The following MEIS2 variants were observed in gnomAD, a reference collection of about 807,000 sequenced individuals.
MEIS2 encodes homeobox protein Meis2.
MEIS2 carries 9 observed loss-of-function variants against 58.6 expected under a neutral mutation model. The ratio of observed to expected loss-of-function variants is 0.15; its 90% confidence interval spans 0.09 to 0.27. MEIS2 has a LOEUF of 0.27. Among genes scored for constraint, MEIS2 ranks in the 10% least tolerant of loss-of-function variants. The pLI, the probability that MEIS2 is intolerant of heterozygous loss-of-function variation, is 1.00. For synonymous variants in MEIS2, 221 were observed against 228.4 expected (o/e 0.97, Z 0.29); for missense variants, 427 against 635.0 (o/e 0.67, Z 3.52).
intron 9 of MEIS2, among the ~76,000 whole-genome samples, chr15:36,942,833 C>A (rs2058422861): frequency 6.6e-6 from 1 of 151,888 alleles, no homozygotes; most frequent in Non-Finnish European, 1.5e-5. Flanking sequence ...GGCTATGGCC[C>A]CCAAGACTCT....
At chr15:36,942,872 AG>A (rs890916311) in intron 9 of MEIS2, among the ~76,000 whole-genome samples, 4 of 152,134 alleles carry the variant, frequency 2.6e-5, no homozygotes, top group African/African-American at 9.7e-5. Flanking sequence ...AATTAGAGAA[AG>A]TAAACAATAT....
intron 8 of MEIS2, among the ~76,000 whole-genome samples, chr15:37,011,377 ATT>A (rs980940604): frequency 2.0e-5 from 3 of 152,186 alleles, no homozygotes; most frequent in Admixed American, 1.3e-4. Context: ...AGGATAGTTA[ATT>A]ATACGCAGAC....
intron 8 of MEIS2, among the ~76,000 whole-genome samples, chr15:36,983,865 T>A (rs570805967): frequency 6.6e-6 from 1 of 152,216 alleles, no homozygotes; most frequent in Non-Finnish European, 1.5e-5. Context: ...CTTTGCCTAC[T>A]TGGTTTATTT....
At chr15:36,959,060 C>T (rs550780279) in intron 8 of MEIS2, among the ~76,000 whole-genome samples, 5 of 152,218 alleles carry the variant, frequency 3.3e-5, no homozygotes, top group East Asian at 1.9e-4. Context: ...AGGATATTAG[C>T]GGTCATCTAA....
Position 37,095,561 on chromosome 15 carries a change from T to C in MEIS2, c.438+3A>G. 1 of 1,614,172 alleles carries C rather than the reference T, an allele frequency of 6.2e-7. No individual in the cohort carries two copies. Among genetic ancestry groups the C allele is most frequent in the Non-Finnish European group, 8.5e-7 (1 of 1,180,014 alleles). On this transcript the variant is annotated splice_donor_region_variant and intron_variant, in intron 4 of 11. Transcript: ENST00000561208. ...GGGAAAAACAAGGAACAGAGAGCCT[T>C]ACCAAATTGTCCAGCTCTGGATTTG... is the stretch of plus-strand genomic sequence containing the variant.
chr15:37,093,764 A>ATGT (rs747335436), intron 5 of MEIS2, 34 bp from the exon 6 acceptor site: 118 of 1,594,786 alleles, frequency 7.4e-5, no homozygotes, highest in East Asian at 4.7e-4. Context: ...GGTTTAGCTC[A>ATGT]TGTTGTTGTT....
chr15:36,939,558 T>A (rs374339513), intron 9 of MEIS2, among the ~76,000 whole-genome samples: 30 of 143,708 alleles, frequency 2.1e-4, no homozygotes, highest in Admixed American at 5.6e-4. Flanking sequence ...TTTTTTTTTT[T>A]AATTTGTTAA....
intron 9 of MEIS2, among the ~76,000 whole-genome samples, chr15:36,928,063 C>T (rs1282192247): frequency 6.6e-6 from 1 of 152,166 alleles, no homozygotes; most frequent in Non-Finnish European, 1.5e-5. Flanking sequence ...TTACCAGAGG[C>T]ATTTGTCTTT....
intron 8 of MEIS2, among the ~76,000 whole-genome samples, chr15:36,970,376 C>G (rs1044695445): frequency 1.3e-5 from 2 of 151,132 alleles, no homozygotes; most frequent in African/African-American, 4.9e-5. Flanking sequence ...TGCACTCCAG[C>G]CTGGGCGACA....
intron 7 of MEIS2, among the ~76,000 whole-genome samples, chr15:37,068,360 C>T (rs964566451): frequency 2.0e-5 from 3 of 152,184 alleles, no homozygotes; most frequent in African/African-American, 7.2e-5. Context: ...ATAAATGCAT[C>T]ACAGATTTGG....
chr15:36,947,045 C>T (rs1301864092), intron 9 of MEIS2, among the ~76,000 whole-genome samples: 1 of 152,032 alleles, frequency 6.6e-6, no homozygotes, highest in Non-Finnish European at 1.5e-5. Context: ...TGACTCTCCA[C>T]CAACTGACCA....
intron 8 of MEIS2, among the ~76,000 whole-genome samples, chr15:37,026,631 G>A (rs1196550263): frequency 6.6e-6 from 1 of 152,140 alleles, no homozygotes; most frequent in Non-Finnish European, 1.5e-5. Flanking sequence ...GATTTGGCGG[G>A]GGGAGAGTGG....
chr15:37,092,638 CA>C (rs1292690101), intron 6 of MEIS2, among the ~76,000 whole-genome samples: 6 of 146,584 alleles, frequency 4.1e-5, no homozygotes, highest in Non-Finnish European at 8.9e-5. Flanking sequence ...CCTTTCCTAC[CA>C]GCTGCAATCT....
chr15:37,014,141 C>A (rs941025072), intron 8 of MEIS2, among the ~76,000 whole-genome samples: 2 of 152,196 alleles, frequency 1.3e-5, no homozygotes, highest in Non-Finnish European at 2.9e-5. Context: ...GCTTCACAAA[C>A]TACTGTGATC....
chr15:36,995,312 G>T (rs1450922252), intron 8 of MEIS2, among the ~76,000 whole-genome samples: 2 of 152,092 alleles, frequency 1.3e-5, no homozygotes, highest in Non-Finnish European at 2.9e-5. Context: ...ACCAAGGAAG[G>T]CCATATCCAT....
chr15:36,993,279 CT>C (rs1361706084), intron 8 of MEIS2, among the ~76,000 whole-genome samples: 3 of 152,158 alleles, frequency 2.0e-5, no homozygotes, highest in South Asian at 2.1e-4. Context: ...AAAGAAACTT[CT>C]AGAATTCCGG....
At chr15:36,918,446 G>C (rs1263030360) in intron 9 of MEIS2, among the ~76,000 whole-genome samples, 1 of 152,178 alleles carries the variant, frequency 6.6e-6, no homozygotes, top group Admixed American at 6.5e-5. Context: ...AAAGACATCA[G>C]AACAGTAGGT....
rs1349564656 is a variant in MEIS2 at position 36,894,673 on chromosome 15, C to G, written c.1147+478G>C. The G allele has an allele frequency of 2.8e-6, 4 of 1,445,124 alleles. No homozygotes were observed. The East Asian group carries it at 9.1e-5, about 33-fold the overall frequency. 89.5% of individuals were successfully genotyped at this position (1,445,124 alleles called of 1,614,324 possible). A position where few individuals can be genotyped will look rare whatever the true frequency, so the allele number is the denominator to read the frequency against. On this transcript the variant is annotated intron_variant, in intron 11 of 11. Transcript: ENST00000561208. Reference sequence around the variant, plus strand: ...CAAATTATAAAAAATAAAATAAAGTCTCTGAAGTGATAGTGAAGACAGATC... The same window carrying G: ...CAAATTATAAAAAATAAAATAAAGTGTCTGAAGTGATAGTGAAGACAGATC...
intron 8 of MEIS2, among the ~76,000 whole-genome samples, chr15:37,002,137 C>G (rs2060750287): frequency 6.6e-6 from 1 of 152,152 alleles, no homozygotes; most frequent in South Asian, 2.1e-4. Flanking sequence ...CTGAATAGAC[C>G]TGCCCTCCCA....
Sources: gnomAD v4.1 joint callset for allele counts (sites outside exome capture counted in the v4.1 genomes callset) on GRCh38, gnomAD v4.1.1 for gene constraint, MANE v1.5 for transcripts, NCBI Gene and HGNC (gene_info 2026-07-23, HGNC 2026-07-21) for gene names.